Variants in KATNAL1 observed in about 807,000 individuals in gnomAD.
KATNAL1 encodes the protein katanin catalytic subunit A1 like 1, also known as katanin p60 ATPase-containing subunit A-like 1.
KATNAL1 carries 32 observed loss-of-function variants against 55.2 expected under a neutral mutation model. The observed-to-expected ratio is 0.58, with a 90% CI of 0.44 to 0.78. KATNAL1 has a LOEUF of 0.78. Ranked by LOEUF, KATNAL1 falls within the 30% of genes least tolerant of loss-of-function variation. The pLI is 0.00. For synonymous variants in KATNAL1, 193 were observed against 193.6 expected (o/e 1.00, Z 0.02); for missense variants, 466 against 600.9 (o/e 0.78, Z 2.35).
intron 1 of KATNAL1, among the ~76,000 whole-genome samples, chr13:30,285,814 T>C (rs1423361695): frequency 6.6e-6 from 1 of 152,354 alleles, no homozygotes; most frequent in South Asian, 2.1e-4. Flanking sequence ...GATAGTGATA[T>C]GGACAATGAA....
chr13:30,233,405 AGATCAT>A (rs1257241672), intron 6 of KATNAL1, among the ~76,000 whole-genome samples: 5 of 152,192 alleles, frequency 3.3e-5, no homozygotes, highest in South Asian at 2.1e-4. Flanking sequence ...AACCAAAATG[AGATCAT>A]CTCGCTCCAA....
At chr13:30,219,324 T>C (rs1874619257) in intron 9 of KATNAL1, among the ~76,000 whole-genome samples, 1 of 152,222 alleles carries the variant, frequency 6.6e-6, no homozygotes. Context: ...CCTATCTATC[T>C]ATTCATTTTC....
chr13:30,233,340 A>G (rs533351709), intron 6 of KATNAL1, among the ~76,000 whole-genome samples: 2 of 152,346 alleles, frequency 1.3e-5, no homozygotes, highest in East Asian at 3.9e-4. Flanking sequence ...CAAATGTCCA[A>G]TAGATACATG....
rs1875607810 is a variant in KATNAL1, at chr13:30,227,401, A to G, written c.1147+11T>C. On this transcript the variant is annotated intron_variant, in intron 9 of 10. Transcript: ENST00000380615. ...AGTAACAGAAAGCTCAAAATAGAGAAGACATCATACCTGTTGGGAGAGGTA... is the reference window on the plus strand; with the variant it reads ...AGTAACAGAAAGCTCAAAATAGAGAGGACATCATACCTGTTGGGAGAGGTA... The G allele has an allele frequency of 6.2e-7, 1 of 1,603,800 alleles. No individual in the cohort carries two copies. The highest frequency in any genetic ancestry group is 1.3e-5 in the African/African-American group (1 of 74,566).
At chr13:30,277,980 C>T (rs1880979541) in intron 3 of KATNAL1, among the ~76,000 whole-genome samples, 1 of 41,862 alleles carries the variant, frequency 2.4e-5, no homozygotes, top group Non-Finnish European at 4.1e-5. Context: ...GAGACTCCGT[C>T]TCAAAAAAAA....
chr13:30,206,080 C>T lies in KATNAL1; in HGVS notation c.*2460G>A, dbSNP rs139021817. On this transcript the variant is annotated 3_prime_UTR_variant, in exon 11 of 11. Transcript: ENST00000380615. ...GGCGGATCATCTGAGGTCAGGAGTT[C>T]GAGACTAGCCTGGCCAACATGGTGA... 6,100 of 151,868 alleles carry T rather than the reference C, an allele frequency of 0.04. 177 individuals carry two copies. The highest frequency in any genetic ancestry group is 0.066 in the Non-Finnish European group (4,467 of 68,078). The allele number at this position is 151,868 out of a possible 1,614,324, so 9.4% of individuals were successfully genotyped here.
intron 1 of KATNAL1, among the ~76,000 whole-genome samples, chr13:30,299,363 C>G (rs1046927480): frequency 1.3e-5 from 2 of 152,098 alleles, no homozygotes; most frequent in South Asian, 4.2e-4. Context: ...TAAATGTGAT[C>G]ATATGTTAAC....
chr13:30,293,292 T>C lies in KATNAL1; in HGVS notation c.-14-9501A>G, dbSNP rs561862240. 5.3e-5 allele frequency among the ~76,000 whole-genome samples: 8 copies of C among 152,258 alleles called. No individual in the cohort carries two copies. In the East Asian group the frequency reaches 7.7e-4, roughly 15 times the overall value. The stretch of plus-strand genomic sequence containing the variant: ...TCAACTTTATATTATAATCCTTCTT[T>C]AGAACTTTTTCCTTTTTTATTGAGG... On this transcript the variant is annotated intron_variant, in intron 1 of 10. Coordinates refer to ENST00000380615, the MANE Select transcript of KATNAL1 (RefSeq NM_032116.5).
rs149024684 is a variant in KATNAL1 at position 30,217,530 on chromosome 13, T to C, written c.1148-7088A>G. Among the ~76,000 whole-genome samples the C allele has an allele frequency of 1.8e-3, 279 of 152,324 alleles. 1 individual carries two copies. The highest frequency in any genetic ancestry group is 6.4e-3 in the African/African-American group (268 of 41,568). On this transcript the variant is annotated intron_variant, in intron 9 of 10. Transcript: ENST00000380615. ...GATTAATGTGTTGTTAATCATAGTGTAACAAACTGCCAATCCTGTATCACA... is the reference window on the plus strand; with the variant it reads ...GATTAATGTGTTGTTAATCATAGTGCAACAAACTGCCAATCCTGTATCACA...
chr13:30,280,589 T>C (rs1181667018), intron 2 of KATNAL1, among the ~76,000 whole-genome samples: 2 of 152,142 alleles, frequency 1.3e-5, no homozygotes, highest in Non-Finnish European at 1.5e-5. Flanking sequence ...TATTTATAAA[T>C]AGATTCCCAA....
At position 30,231,293 on chromosome 13, in the gene KATNAL1, TCTGAATATATCGTCA is replaced by T; in HGVS notation, c.885+6_885+20del. On this transcript the variant is annotated splice_donor_region_variant and intron_variant, in intron 7 of 10. Transcript: ENST00000380615. ...TAGGCCTACACACACTACTTTGAAATCTGAATATATCGTCACTCACCATCTCAAACAACAGACGAA... is the reference window on the plus strand; with the variant it reads ...TAGGCCTACACACACTACTTTGAAATCTCACCATCTCAAACAACAGACGAA... The T allele has an allele frequency of 6.3e-7, 1 of 1,590,944 alleles. No individual in the cohort carries two copies. The highest frequency in any genetic ancestry group is 1.2e-5 in the South Asian group (1 of 85,206).
At chr13:30,268,975 T>C (rs1208624818) in intron 3 of KATNAL1, among the ~76,000 whole-genome samples, 1 of 152,088 alleles carries the variant, frequency 6.6e-6, no homozygotes, top group East Asian at 1.9e-4. Context: ...GCAGGAATGG[T>C]AACACACACA....
At chr13:30,245,478 C>A (rs1431405782) in intron 4 of KATNAL1, among the ~76,000 whole-genome samples, 1 of 152,186 alleles carries the variant, frequency 6.6e-6, no homozygotes, top group African/African-American at 2.4e-5. Context: ...GAAGCATTCC[C>A]TTTGAATACT....
At chr13:30,289,625 T>C (rs1468931137) in intron 1 of KATNAL1, among the ~76,000 whole-genome samples, 2 of 152,242 alleles carry the variant, frequency 1.3e-5, no homozygotes, top group East Asian at 3.8e-4. Context: ...AGCTATAGTA[T>C]CACTGCATAA....
chr13:30,286,842 A>G (rs1881820180), intron 1 of KATNAL1, among the ~76,000 whole-genome samples: 1 of 152,208 alleles, frequency 6.6e-6, no homozygotes, highest in Non-Finnish European at 1.5e-5. Context: ...GGCCATGGGA[A>G]CCTACCTCTG....
At chr13:30,268,454 A>T (rs1323431724) in intron 3 of KATNAL1, among the ~76,000 whole-genome samples, 1 of 152,274 alleles carries the variant, frequency 6.6e-6, no homozygotes, top group Non-Finnish European at 1.5e-5. Context: ...ATAAATAAAA[A>T]TAAATCTACA....
In KATNAL1 at chr13:30,210,376, A is replaced by G; in HGVS notation, c.1214T>C (p.Leu405Pro). The G allele has an allele frequency of 6.2e-7, 1 of 1,609,546 alleles. No homozygotes were observed. The highest frequency in any genetic ancestry group is 8.5e-7 in the Non-Finnish European group (1 of 1,178,114). ...REVELDPDIQ[L>P]EDIAEKIEGY... Reference sequence around the variant, plus strand: ...CTCAATCTTCTCGGCTATATCTTCCAGTTGAATATCAGGATCTAATTCGAC... The same window carrying G: ...CTCAATCTTCTCGGCTATATCTTCCGGTTGAATATCAGGATCTAATTCGAC... Residue 405 changes from leucine (L) to proline (P), a missense_variant, in exon 10 of 11, where the codon CTG becomes CCG. Transcript: ENST00000380615.
intron 3 of KATNAL1, among the ~76,000 whole-genome samples, chr13:30,260,165 T>C (rs1044842828): frequency 1.3e-5 from 2 of 152,090 alleles, no homozygotes. Flanking sequence ...GAGGGTCCTG[T>C]CTGTTAGAAG....
At chr13:30,225,612 A>G (rs1385619172) in intron 9 of KATNAL1, among the ~76,000 whole-genome samples, 3 of 151,388 alleles carry the variant, frequency 2.0e-5, no homozygotes, top group Non-Finnish European at 4.4e-5. Flanking sequence ...AAGTGATGAT[A>G]CAACTGCATA....
Sources: gnomAD v4.1 joint callset for allele counts (sites outside exome capture counted in the v4.1 genomes callset) on GRCh38, gnomAD v4.1.1 for gene constraint, MANE v1.5 for transcripts, NCBI Gene and HGNC (gene_info 2026-07-23, HGNC 2026-07-21) for gene names.